The following ADCY2 variants were observed in gnomAD, a reference collection of about 807,000 sequenced individuals.
ADCY2 encodes the protein adenylate cyclase type 2.
In ADCY2, 31 loss-of-function variants were observed where a neutral mutation model predicts 125.2. The observed-to-expected ratio is 0.25, with a 90% confidence interval of 0.19 to 0.33. ADCY2 has a LOEUF of 0.33. Among genes scored for constraint, ADCY2 ranks in the 10% least tolerant of loss-of-function variants. The pLI is 1.00. For synonymous variants in ADCY2, 512 were observed against 548.4 expected (o/e 0.93, Z 0.93); for missense variants, 904 against 1,418.2 (o/e 0.64, Z 5.82).
At chr5:7,478,065 G>A (rs1353831698) in intron 2 of ADCY2, among the ~76,000 whole-genome samples, 2 of 152,166 alleles carry the variant, frequency 1.3e-5, no homozygotes, top group Admixed American at 6.5e-5. Flanking sequence ...GTTGATAAAA[G>A]TGACAGTGGT....
intron 3 of ADCY2, among the ~76,000 whole-genome samples, chr5:7,573,720 G>T (rs1173821858): frequency 3.3e-5 from 5 of 149,824 alleles, no homozygotes; most frequent in African/African-American, 1.2e-4. Flanking sequence ...TTGTGCAGTT[G>T]CCTTTTAAAC....
At chr5:7,501,565 G>A (rs1475441842) in intron 2 of ADCY2, among the ~76,000 whole-genome samples, 2 of 145,392 alleles carry the variant, frequency 1.4e-5, no homozygotes, top group Admixed American at 1.4e-4. Context: ...AAACTCAGTG[G>A]ATGAGAGACC....
At chr5:7,733,596 C>G (rs985386801) in intron 14 of ADCY2, among the ~76,000 whole-genome samples, 2 of 152,092 alleles carry the variant, frequency 1.3e-5, no homozygotes, top group Non-Finnish European at 2.9e-5. Context: ...AGTTTGTGAC[C>G]TGTAGAATTT....
At chr5:7,701,000 G>C (rs1368116481) in intron 7 of ADCY2, among the ~76,000 whole-genome samples, 1 of 151,902 alleles carries the variant, frequency 6.6e-6, no homozygotes, top group Non-Finnish European at 1.5e-5. Context: ...ATGAAAAATA[G>C]TTTTTAGCTT....
chr5:7,441,473 TCTTGA>T (rs1285913704), intron 2 of ADCY2, among the ~76,000 whole-genome samples: 1 of 152,102 alleles, frequency 6.6e-6, no homozygotes, highest in Non-Finnish European at 1.5e-5. Flanking sequence ...ACACACATTT[TCTTGA>T]CTTGATGACT....
intron 18 of ADCY2, among the ~76,000 whole-genome samples, chr5:7,779,316 G>A (rs1019532241): frequency 3.3e-5 from 5 of 152,180 alleles, no homozygotes; most frequent in Non-Finnish European, 5.9e-5. Context: ...AGGCTCTTTT[G>A]TTTTGTTCTG....
chr5:7,445,309 C>T (rs990690304), intron 2 of ADCY2, among the ~76,000 whole-genome samples: 3 of 152,186 alleles, frequency 2.0e-5, no homozygotes, highest in African/African-American at 7.2e-5. Context: ...CCAGCTGGCC[C>T]AGTGCAGTTT....
chr5:7,545,534 G>A (rs1475638439), intron 3 of ADCY2, among the ~76,000 whole-genome samples: 1 of 152,172 alleles, frequency 6.6e-6, no homozygotes, highest in East Asian at 1.9e-4. Flanking sequence ...TCGACGTGTA[G>A]AAGTTTCCAG....
At chr5:7,486,729 AAAAT>A (rs1339417398) in intron 2 of ADCY2, among the ~76,000 whole-genome samples, 3 of 152,238 alleles carry the variant, frequency 2.0e-5, no homozygotes, top group Non-Finnish European at 4.4e-5. Context: ...AAAAAAGAAA[AAAAT>A]ACTGACTTTG....
At chr5:7,583,696 G>T (rs911431952) in intron 3 of ADCY2, among the ~76,000 whole-genome samples, 6 of 152,070 alleles carry the variant, frequency 3.9e-5, no homozygotes, top group Non-Finnish European at 5.9e-5. Flanking sequence ...GAAAAGATCT[G>T]GCAATTTCTT....
chr5:7,695,836 C>G lies in ADCY2; in HGVS notation c.954C>G (p.Leu318=). Reference sequence around the variant, plus strand: ...AACTAGTCCACATGCTGAATGAGCTCTTTGGAAAGTTTGATCAAATTGCAA... The same window carrying G: ...AACTAGTCCACATGCTGAATGAGCTGTTTGGAAAGTTTGATCAAATTGCAA... The part of the protein sequence containing the change: ...PGELVHMLNE[L]FGKFDQIAKE... Residue 318 remains leucine (L), a synonymous_variant, in exon 6 of 25, where the codon CTC becomes CTG. Transcript: ENST00000338316. 6.2e-7 allele frequency: 1 copy of G among 1,611,988 alleles called. No individual in the cohort carries two copies. Among genetic ancestry groups the G allele is most frequent in the Non-Finnish European group, 8.5e-7 (1 of 1,178,904 alleles).
chr5:7,686,957 A>G (rs960288353), intron 4 of ADCY2, among the ~76,000 whole-genome samples: 2 of 152,170 alleles, frequency 1.3e-5, no homozygotes, highest in Non-Finnish European at 2.9e-5. Flanking sequence ...TGCACACTCA[A>G]AGCATGGACC....
In ADCY2 at chr5:7,471,515, C is replaced by T. The variant is rs1742337073; in HGVS notation, c.409-49223C>T. On this transcript the variant is annotated intron_variant, in intron 2 of 24. Transcript: ENST00000338316. Reference sequence around the variant, plus strand: ...AACAATAGACTCCCAATTTGTCCCTCCCATTTTTGTGCTATTTTTATATAT... The same window carrying T: ...AACAATAGACTCCCAATTTGTCCCTTCCATTTTTGTGCTATTTTTATATAT... 3.9e-5 allele frequency among the ~76,000 whole-genome samples: 6 copies of T among 151,962 alleles called. No homozygotes were observed. The South Asian group carries it at 1.0e-3, about 26-fold the overall frequency.
At chr5:7,675,636 C>A (rs1740099166) in intron 4 of ADCY2, among the ~76,000 whole-genome samples, 1 of 152,212 alleles carries the variant, frequency 6.6e-6, no homozygotes, top group African/African-American at 2.4e-5. Flanking sequence ...ACCCTGCGAT[C>A]CCCTACCACT....
chr5:7,498,173 T>C (rs1579505257), intron 2 of ADCY2, among the ~76,000 whole-genome samples: 1 of 148,782 alleles, frequency 6.7e-6, no homozygotes. Context: ...ATAGAGATAA[T>C]CAAACTTATA....
chr5:7,761,993 A>G (rs975295455), intron 16 of ADCY2, among the ~76,000 whole-genome samples: 3 of 152,350 alleles, frequency 2.0e-5, no homozygotes, highest in East Asian at 1.9e-4. Context: ...AAAATCATTC[A>G]TCACACTTTT....
intron 3 of ADCY2, among the ~76,000 whole-genome samples, chr5:7,576,940 A>G (rs1736271469): frequency 6.6e-6 from 1 of 152,204 alleles, no homozygotes; most frequent in Non-Finnish European, 1.5e-5. Flanking sequence ...TCCTGAATAG[A>G]CTTATCTTTA....
intron 22 of ADCY2, 76 bp downstream of exon 22, chr5:7,804,768 C>T (rs1744706005): frequency 7.9e-6 from 8 of 1,007,466 alleles, no homozygotes; most frequent in Non-Finnish European, 1.1e-5. Context: ...CCAAAACAGC[C>T]ATGAAATGCC....
At chr5:7,578,054 A>G (rs1227666362) in intron 3 of ADCY2, among the ~76,000 whole-genome samples, 2 of 152,202 alleles carry the variant, frequency 1.3e-5, no homozygotes, top group Non-Finnish European at 2.9e-5. Context: ...AAGACATCAC[A>G]TTTTCAACAG....
Sources: gnomAD v4.1 joint callset for allele counts (sites outside exome capture counted in the v4.1 genomes callset) on GRCh38, gnomAD v4.1.1 for gene constraint, MANE v1.5 for transcripts, NCBI Gene and HGNC (gene_info 2026-07-23, HGNC 2026-07-21) for gene names.